The following IGSF11 variants were observed in gnomAD, a reference collection of about 807,000 sequenced individuals.
IGSF11 encodes the protein immunoglobulin superfamily member 11.
In IGSF11, 22 loss-of-function variants were observed where a neutral mutation model predicts 41.0. The ratio of observed to expected loss-of-function variants is 0.54; its 90% CI spans 0.38 to 0.77. The LOEUF (loss-of-function observed/expected upper bound fraction) is 0.77, where lower values mean the gene tolerates loss of function less well. Among genes scored for constraint, IGSF11 ranks in the 30% least tolerant of loss-of-function variants. The pLI is 0.00. For synonymous variants in IGSF11, 219 were observed against 201.3 expected (o/e 1.09, Z -0.74); for missense variants, 444 against 530.8 (o/e 0.84, Z 1.61).
intron 1 of IGSF11, among the ~76,000 whole-genome samples, chr3:118,938,705 C>T (rs1943463791): frequency 6.6e-6 from 1 of 152,132 alleles, no homozygotes; most frequent in Non-Finnish European, 1.5e-5. Flanking sequence ...TACCAGAAAT[C>T]AGCATTTCAC....
chr3:119,103,710 T>C (rs934838001), intron 1 of IGSF11, among the ~76,000 whole-genome samples: 2 of 151,752 alleles, frequency 1.3e-5, no homozygotes, highest in Non-Finnish European at 3.0e-5. Flanking sequence ...TGAAATAAAA[T>C]GTAAAACTCA....
intron 1 of IGSF11, among the ~76,000 whole-genome samples, chr3:119,135,777 A>T (rs2077552657): frequency 6.6e-6 from 1 of 152,216 alleles, no homozygotes; most frequent in Non-Finnish European, 1.5e-5. Flanking sequence ...TGTTTACTGC[A>T]GCACTATTCA....
upstream of IGSF11, among the ~76,000 whole-genome samples, chr3:119,106,027 G>A (rs2077017002): frequency 6.6e-6 from 1 of 152,086 alleles, no homozygotes; most frequent in Non-Finnish European, 1.5e-5. Flanking sequence ...CATATATAGA[G>A]CAAAGGGATC....
At chr3:119,001,759 A>T (rs1576604866) in intron 1 of IGSF11, among the ~76,000 whole-genome samples, 1 of 149,880 alleles carries the variant, frequency 6.7e-6, no homozygotes, top group Non-Finnish European at 1.5e-5. Flanking sequence ...ACTGAGAATG[A>T]TGGTTTCCAG....
chr3:118,902,880 G>C lies in IGSF11; in HGVS notation c.936C>G (p.Thr312=). 6.2e-7 allele frequency: 1 copy of C among 1,614,154 alleles called. No homozygotes were observed. The highest frequency in any genetic ancestry group is 1.1e-5 in the South Asian group (1 of 91,086). Reference sequence around the variant, plus strand: ...ATCGACTGTTGTAGGCATTGGAAGAGGTTAGTGTGTTGTTGTCCGAGGAGG... The same window carrying C: ...ATCGACTGTTGTAGGCATTGGAAGACGTTAGTGTGTTGTTGTCCGAGGAGG... The part of the protein sequence containing the change: ...EISSSDNNTL[T]SSNAYNSRYW... Residue 312 remains threonine, a synonymous_variant, in exon 7 of 7, where the codon ACC becomes ACG. Transcript: ENST00000393775.
At chr3:119,121,815 A>C (rs1408247393) in intron 1 of IGSF11, among the ~76,000 whole-genome samples, 1 of 152,204 alleles carries the variant, frequency 6.6e-6, no homozygotes, top group Non-Finnish European at 1.5e-5. Context: ...GTGGCAAGAG[A>C]AAAACAACCT....
intron 1 of IGSF11, among the ~76,000 whole-genome samples, chr3:119,136,622 A>G (rs2077566317): frequency 6.6e-6 from 1 of 152,228 alleles, no homozygotes; most frequent in South Asian, 2.1e-4. Context: ...CAGCAAAAGT[A>G]TATAACAATC....
chr3:118,987,132 A>G (rs1576562795), intron 1 of IGSF11, among the ~76,000 whole-genome samples: 1 of 152,254 alleles, frequency 6.6e-6, no homozygotes, highest in Non-Finnish European at 1.5e-5. Context: ...AACTGGAAGT[A>G]CTAACCTTCC....
At chr3:118,986,474 G>A (rs1381362570) in intron 1 of IGSF11, among the ~76,000 whole-genome samples, 1 of 152,168 alleles carries the variant, frequency 6.6e-6, no homozygotes, top group Non-Finnish European at 1.5e-5. Flanking sequence ...TCTAATATAG[G>A]CACAAGTGGG....
chr3:119,138,472 T>C (rs2077594264), intron 1 of IGSF11, among the ~76,000 whole-genome samples: 1 of 152,100 alleles, frequency 6.6e-6, no homozygotes, highest in Non-Finnish European at 1.5e-5. Context: ...ATCACTTGAG[T>C]TCTGGAATTC....
chr3:119,101,417 G>A (rs762214109), intron 1 of IGSF11, among the ~76,000 whole-genome samples: 2 of 152,086 alleles, frequency 1.3e-5, no homozygotes, highest in Non-Finnish European at 2.9e-5. Flanking sequence ...GCTGAGGCAG[G>A]AGAATCACTT....
chr3:118,911,778 A>G (rs1177054379), intron 4 of IGSF11, among the ~76,000 whole-genome samples: 2 of 152,094 alleles, frequency 1.3e-5, no homozygotes, highest in Non-Finnish European at 2.9e-5. Flanking sequence ...TGAGTGTTAC[A>G]ACCACGCCAA....
intron 1 of IGSF11, among the ~76,000 whole-genome samples, chr3:119,067,193 G>C (rs550272908): frequency 1.3e-5 from 2 of 152,148 alleles, no homozygotes; most frequent in African/African-American, 4.8e-5. Flanking sequence ...CTTCTGTCCT[G>C]TACTAGCGTA....
chr3:119,003,923 T>C (rs1476090952), intron 1 of IGSF11, among the ~76,000 whole-genome samples: 1 of 150,194 alleles, frequency 6.7e-6, no homozygotes, highest in Non-Finnish European at 1.5e-5. Flanking sequence ...TCTAATATTC[T>C]CTTTTTTGGT....
intron 1 of IGSF11, among the ~76,000 whole-genome samples, chr3:119,144,676 A>C (rs1264284714): frequency 1.3e-5 from 2 of 152,320 alleles, no homozygotes; most frequent in East Asian, 3.9e-4. Flanking sequence ...GTAACTATAA[A>C]ACAGCTACAT....
rs989320580 is a variant in IGSF11 at position 118,943,457 on chromosome 3, C to A, written c.53-13182G>T. 3.3e-5 allele frequency among the ~76,000 whole-genome samples: 5 copies of A among 152,206 alleles called. 1 individual carries two copies. Among genetic ancestry groups the A allele is most frequent in the East Asian group, 1.9e-4 (1 of 5,182 alleles). ...GTTTAAAGACAAGGCAGGGAATGGGCAGAGAAAACTGACAGAATCTAGGGG... is the reference window on the plus strand; with the variant it reads ...GTTTAAAGACAAGGCAGGGAATGGGAAGAGAAAACTGACAGAATCTAGGGG... On this transcript the variant is annotated intron_variant, in intron 1 of 6. Coordinates refer to ENST00000393775, the MANE Select transcript of IGSF11 (RefSeq NM_001015887.3).
At chr3:118,997,558 G>A (rs1043036009) in intron 1 of IGSF11, among the ~76,000 whole-genome samples, 46 of 27,550 alleles carry the variant, frequency 1.7e-3, no homozygotes, top group African/African-American at 5.6e-3. Context: ...CCCCTCCCCC[G>A]GCTCCCTGAT....
At chr3:118,913,480 G>A (rs1940614856) in intron 4 of IGSF11, among the ~76,000 whole-genome samples, 1 of 152,142 alleles carries the variant, frequency 6.6e-6, no homozygotes, top group African/African-American at 2.4e-5. Context: ...ACAGAAACAA[G>A]AAAGGTGGGA....
intron 1 of IGSF11, among the ~76,000 whole-genome samples, chr3:119,136,962 G>A (rs991821869): frequency 2.0e-5 from 3 of 152,024 alleles, no homozygotes; most frequent in African/African-American, 7.2e-5. Context: ...AAGAAATCAA[G>A]AAAGTAATGC....
Sources: allele counts gnomAD v4.1 joint callset (sites outside exome capture counted in the v4.1 genomes callset), GRCh38; gene constraint gnomAD v4.1.1; transcripts MANE v1.5; gene names NCBI Gene and HGNC (gene_info 2026-07-23, HGNC 2026-07-21).